Variants in FUT8 observed in about 807,000 individuals in gnomAD.
FUT8 encodes the protein alpha-(1,6)-fucosyltransferase.
In FUT8, 29 loss-of-function variants were observed where a neutral mutation model predicts 71.3. The observed-to-expected ratio is 0.41, with a 90% CI of 0.30 to 0.55. The LOEUF (loss-of-function observed/expected upper bound fraction) is 0.55, where lower values mean the gene tolerates loss of function less well. FUT8 is among the 20% of genes least tolerant of loss of function. FUT8 has a pLI of 0.34. For synonymous variants in FUT8, 254 were observed against 239.3 expected (o/e 1.06, Z -0.57); for missense variants, 544 against 702.1 (o/e 0.77, Z 2.55).
chr14:65,557,643 T>TA lies in FUT8; in HGVS notation c.-227-3681dup, dbSNP rs67803992. Among the ~76,000 whole-genome samples, 1,366 of 146,018 alleles carry TA rather than the reference T, an allele frequency of 9.4e-3. 33 individuals carry two copies. The East Asian group carries it at 0.094, about 10-fold the overall frequency. On this transcript the variant is annotated intron_variant, in intron 2 of 10. Transcript: ENST00000673929. ...ACTGTGCCCAGCCAATTTTGTCTCT[T>TA]AAAAAAAAAAAAAGTGATATCACTA...
chr14:65,420,932 C>T (rs187183989), intron 1 of FUT8, among the ~76,000 whole-genome samples: 16 of 152,260 alleles, frequency 1.1e-4, no homozygotes, highest in Admixed American at 3.9e-4. Flanking sequence ...CCGTGGCTCA[C>T]GCCTGTAATC....
intron 2 of FUT8, among the ~76,000 whole-genome samples, chr14:65,495,442 TTTG>T (rs2066544221): frequency 6.6e-6 from 1 of 152,152 alleles, no homozygotes. Context: ...TACTGGATAT[TTTG>T]TTTCTTTTAA....
intron 2 of FUT8, among the ~76,000 whole-genome samples, chr14:65,470,434 G>GC (rs996923078): frequency 4.6e-5 from 7 of 152,256 alleles, no homozygotes; most frequent in African/African-American, 1.7e-4. Flanking sequence ...TTGGGCTGCT[G>GC]CCTGCTCCTG....
At chr14:65,476,750 T>G (rs1344999323) in intron 2 of FUT8, among the ~76,000 whole-genome samples, 2 of 149,312 alleles carry the variant, frequency 1.3e-5, no homozygotes, top group African/African-American at 4.9e-5. Context: ...TCTAAACTTC[T>G]GGGCTCAAGC....
chr14:65,395,824 C>T, the FUT8 span, among the ~76,000 whole-genome samples: 1 of 152,256 alleles, frequency 6.6e-6, no homozygotes, highest in African/African-American at 2.4e-5. Flanking sequence ...TTTTCTATCA[C>T]ATTGTCAGGC....
At chr14:65,429,545 G>A (rs914843738) in intron 1 of FUT8, among the ~76,000 whole-genome samples, 1 of 152,084 alleles carries the variant, frequency 6.6e-6, no homozygotes, top group African/African-American at 2.4e-5. Context: ...TTGTCACTCT[G>A]ACAATATTAT....
At chr14:65,548,750 A>T (rs1885117777) in intron 2 of FUT8, among the ~76,000 whole-genome samples, 1 of 152,046 alleles carries the variant, frequency 6.6e-6, no homozygotes, top group Non-Finnish European at 1.5e-5. Context: ...AAATTTAAAA[A>T]TTTTGCTGTG....
chr14:65,452,224 G>A (rs2065838344), intron 1 of FUT8, among the ~76,000 whole-genome samples: 1 of 152,154 alleles, frequency 6.6e-6, no homozygotes, highest in South Asian at 2.1e-4. Context: ...AGCATTCAGT[G>A]CTGTCACAAA....
chr14:65,623,887 T>C (rs1889759577), intron 5 of FUT8, among the ~76,000 whole-genome samples: 1 of 152,150 alleles, frequency 6.6e-6, no homozygotes, highest in Non-Finnish European at 1.5e-5. Flanking sequence ...CTTATTAGAT[T>C]TCTTGATATG....
chr14:65,521,412 T>A (rs1209715060), intron 2 of FUT8, among the ~76,000 whole-genome samples: 1 of 152,176 alleles, frequency 6.6e-6, no homozygotes, highest in Non-Finnish European at 1.5e-5. Flanking sequence ...TTTAAGTATA[T>A]CAGATGTTGA....
rs201567840 is a variant in FUT8 at position 65,514,691 on chromosome 14, CT to C, written c.-227-46633del. Among the ~76,000 whole-genome samples, 1,160 of 143,564 alleles carry C rather than the reference CT, an allele frequency of 8.1e-3. 36 individuals are homozygous for C. In the East Asian group the frequency reaches 0.096, roughly 12 times the overall value. 94.2% of individuals were successfully genotyped at this position (143,564 alleles called of 152,430 possible). On this transcript the variant is annotated intron_variant, in intron 2 of 10. Transcript: ENST00000673929. ...AAAACTTAGTCAAGTCAAATCACTTCTTTTTTTTTTTTTAAATTTATTTTTT... is the reference window on the plus strand; with the variant it reads ...AAAACTTAGTCAAGTCAAATCACTTCTTTTTTTTTTTTAAATTTATTTTTT...
At chr14:65,729,815 A>C (rs1032998893) in intron 9 of FUT8, among the ~76,000 whole-genome samples, 2 of 152,252 alleles carry the variant, frequency 1.3e-5, no homozygotes, top group African/African-American at 4.8e-5. Flanking sequence ...TGTAGCCAAC[A>C]GCTATAACTC....
intron 2 of FUT8, among the ~76,000 whole-genome samples, chr14:65,477,925 G>A (rs1566773096): frequency 6.6e-6 from 1 of 151,786 alleles, no homozygotes; most frequent in East Asian, 1.9e-4. Context: ...TAAACGTTAC[G>A]AGGCATCAGT....
At chr14:65,685,595 A>G (rs530359648) in intron 7 of FUT8, among the ~76,000 whole-genome samples, 1 of 152,320 alleles carries the variant, frequency 6.6e-6, no homozygotes, top group African/African-American at 2.4e-5. Context: ...TGGCTACTCC[A>G]TACGCAGAGC....
intron 10 of FUT8, among the ~76,000 whole-genome samples, chr14:65,737,703 C>T (rs1264402034): frequency 6.6e-6 from 1 of 152,044 alleles, no homozygotes; most frequent in African/African-American, 2.4e-5. Context: ...TTGTTAAAGA[C>T]ATTGTTTAAA....
intron 2 of FUT8, among the ~76,000 whole-genome samples, chr14:65,465,203 A>G (rs2066025117): frequency 6.6e-6 from 1 of 152,024 alleles, no homozygotes; most frequent in African/African-American, 2.4e-5. Flanking sequence ...TTTGGATTTA[A>G]TTTGTTCATT....
At chr14:65,491,069 C>T (rs1431065785) in intron 2 of FUT8, among the ~76,000 whole-genome samples, 5 of 152,032 alleles carry the variant, frequency 3.3e-5, no homozygotes, top group Admixed American at 6.6e-5. Flanking sequence ...TGCATTGGAC[C>T]ATATTAAAAC....
chr14:65,501,089 A>G (rs1205494711), intron 2 of FUT8, among the ~76,000 whole-genome samples: 1 of 152,202 alleles, frequency 6.6e-6, no homozygotes, highest in African/African-American at 2.4e-5. Context: ...TATTCCATCT[A>G]GCCATGATGG....
At position 65,571,677 on chromosome 14, in the gene FUT8, A is replaced by G. The variant is rs185186064; in HGVS notation, c.203+9911A>G. 2.6e-3 allele frequency among the ~76,000 whole-genome samples: 389 copies of G among 152,274 alleles called. 1 individual carries two copies. Among genetic ancestry groups the G allele is most frequent in the Non-Finnish European group, 4.3e-3 (290 of 68,012 alleles). On this transcript the variant is annotated intron_variant, in intron 3 of 10. Coordinates refer to ENST00000673929, the MANE Select transcript of FUT8 (RefSeq NM_001371533.1). The stretch of plus-strand genomic sequence containing the variant: ...TTGGTAGAATAAAAGCACATTTAGA[A>G]TATAATGCTACTTTCATCATCATTT...
Sources: allele counts gnomAD v4.1 joint callset (sites outside exome capture counted in the v4.1 genomes callset), GRCh38; gene constraint gnomAD v4.1.1; transcripts MANE v1.5; gene names NCBI Gene and HGNC (gene_info 2026-07-23, HGNC 2026-07-21).